NRG3: variants seen among roughly 807,000 people sequenced by gnomAD.
NRG3 encodes the protein neuregulin 3, also known as pro-neuregulin-3, membrane-bound isoform.
A neutral mutation model predicts 66.9 loss-of-function variants in NRG3; 31 were observed. The observed-to-expected ratio is 0.46, with a 90% CI of 0.35 to 0.63. The LOEUF is 0.63. Ranked by LOEUF, NRG3 falls within the 20% of genes least tolerant of loss-of-function variation. The pLI, the probability that NRG3 is intolerant of heterozygous loss-of-function variation, is 0.00. For synonymous variants in NRG3, 393 were observed against 359.4 expected, an observed-to-expected ratio of 1.09 and a Z score of -1.06; for missense variants, 910 against 878.9, an observed-to-expected ratio of 1.04 and a Z score of -0.45.
At chr10:82,978,403 T>C (rs1197181798) in intron 7 of NRG3, among the ~76,000 whole-genome samples, 2 of 152,218 alleles carry the variant, frequency 1.3e-5, no homozygotes, top group Admixed American at 1.3e-4. Flanking sequence ...TAATTTAGTT[T>C]GTCAAGATTG....
intron 1 of NRG3, among the ~76,000 whole-genome samples, chr10:82,098,004 A>T (rs1432304923): frequency 6.6e-6 from 1 of 151,634 alleles, no homozygotes; most frequent in South Asian, 2.1e-4. Flanking sequence ...ACCGAGAAGG[A>T]TCTGAGACCT....
At chr10:82,731,635 G>A (rs369441876) in intron 2 of NRG3, among the ~76,000 whole-genome samples, 4 of 152,100 alleles carry the variant, frequency 2.6e-5, no homozygotes, top group African/African-American at 7.2e-5. Context: ...ATTCCATTGT[G>A]TATATGTAGA....
intron 2 of NRG3, among the ~76,000 whole-genome samples, chr10:82,413,902 T>G (rs2136179409): frequency 6.6e-6 from 1 of 152,326 alleles, no homozygotes; most frequent in African/African-American, 2.4e-5. Flanking sequence ...GTTAAGGCTT[T>G]CTTGTGGATA....
At chr10:81,965,581 T>C (rs1187021220) in intron 1 of NRG3, among the ~76,000 whole-genome samples, 1 of 152,220 alleles carries the variant, frequency 6.6e-6, no homozygotes, top group Non-Finnish European at 1.5e-5. Context: ...AGACCTTCAT[T>C]AAATCATCTA....
chr10:82,491,725 A>G (rs774660870), intron 2 of NRG3, among the ~76,000 whole-genome samples: 1 of 152,104 alleles, frequency 6.6e-6, no homozygotes, highest in Non-Finnish European at 1.5e-5. Flanking sequence ...CTTTACTGCC[A>G]TTTAATGGGG....
At chr10:82,450,321 T>C (rs1216306186) in intron 2 of NRG3, among the ~76,000 whole-genome samples, 1 of 152,148 alleles carries the variant, frequency 6.6e-6, no homozygotes, top group African/African-American at 2.4e-5. Context: ...AGACCTGCAA[T>C]AGAACCCATA....
At chr10:82,694,201 A>G (rs2055185595) in intron 2 of NRG3, among the ~76,000 whole-genome samples, 1 of 152,062 alleles carries the variant, frequency 6.6e-6, no homozygotes, top group Non-Finnish European at 1.5e-5. Context: ...TGGTGCATTT[A>G]GAATCCTTTA....
intron 4 of NRG3, among the ~76,000 whole-genome samples, chr10:82,911,851 C>A (rs1388936542): frequency 6.6e-6 from 1 of 151,726 alleles, no homozygotes; most frequent in African/African-American, 2.4e-5. Flanking sequence ...GATCTTTCTT[C>A]TTTTCTAATA....
intron 3 of NRG3, among the ~76,000 whole-genome samples, chr10:82,831,467 T>G (rs927165699): frequency 9.8e-5 from 15 of 152,294 alleles, no homozygotes; most frequent in South Asian, 2.1e-4. Context: ...ACAGTTTTTT[T>G]TGTGTGTGTT....
chr10:82,024,388 A>G (rs1348490710), intron 1 of NRG3, among the ~76,000 whole-genome samples: 3 of 151,880 alleles, frequency 2.0e-5, no homozygotes, highest in African/African-American at 2.4e-5. Flanking sequence ...TAATTTTGGA[A>G]AACCTTTATA....
intron 2 of NRG3, among the ~76,000 whole-genome samples, chr10:82,551,808 T>C (rs537585663): frequency 6.6e-6 from 1 of 152,276 alleles, no homozygotes; most frequent in African/African-American, 2.4e-5. Flanking sequence ...TTATAGTACT[T>C]GCTGCCTTAA....
At chr10:82,653,293 A>G (rs1281158167) in intron 2 of NRG3, among the ~76,000 whole-genome samples, 2 of 152,210 alleles carry the variant, frequency 1.3e-5, no homozygotes, top group African/African-American at 4.8e-5. Flanking sequence ...TGAACAGTGA[A>G]GTGAGTAGGT....
intron 2 of NRG3, among the ~76,000 whole-genome samples, chr10:82,657,605 A>G (rs1011344563): frequency 5.3e-5 from 8 of 152,056 alleles, no homozygotes; most frequent in African/African-American, 1.9e-4. Flanking sequence ...TGGTTAGACT[A>G]TATTCACCCT....
intron 1 of NRG3, among the ~76,000 whole-genome samples, chr10:81,977,896 T>C (rs1436664945): frequency 6.6e-6 from 1 of 152,152 alleles, no homozygotes; most frequent in Non-Finnish European, 1.5e-5. Flanking sequence ...TACTTTTTAT[T>C]TTTTATTTAT....
At chr10:82,345,316 A>G (rs955643611) in intron 1 of NRG3, among the ~76,000 whole-genome samples, 3 of 145,232 alleles carry the variant, frequency 2.1e-5, no homozygotes, top group East Asian at 4.1e-4. Context: ...TTTATTAAAT[A>G]GGGAATCCTT....
At chr10:82,225,907 T>A (rs893799386) in intron 1 of NRG3, among the ~76,000 whole-genome samples, 3 of 152,176 alleles carry the variant, frequency 2.0e-5, no homozygotes, top group African/African-American at 7.2e-5. Context: ...CATATTTCTG[T>A]CATAATGTCA....
chr10:82,601,508 GC>G (rs1329786305), intron 2 of NRG3, among the ~76,000 whole-genome samples: 3 of 152,076 alleles, frequency 2.0e-5, no homozygotes, highest in Non-Finnish European at 4.4e-5. Context: ...CTATTGTCAT[GC>G]TTTTAATGTA....
intron 4 of NRG3, among the ~76,000 whole-genome samples, chr10:82,936,664 G>A (rs897763334): frequency 7.9e-5 from 12 of 152,030 alleles, no homozygotes; most frequent in Non-Finnish European, 1.6e-4. Context: ...TAATCAGCTC[G>A]ATTTAACCAT....
At chr10:82,800,026 T>TC (rs1226506065) in intron 3 of NRG3, among the ~76,000 whole-genome samples, 11 of 152,172 alleles carry the variant, frequency 7.2e-5, no homozygotes, top group Non-Finnish European at 1.6e-4. Flanking sequence ...TCTGGATAGG[T>TC]CCCTTGACTT....
Sources: allele counts gnomAD v4.1 joint callset (sites outside exome capture counted in the v4.1 genomes callset), GRCh38; gene constraint gnomAD v4.1.1; transcripts MANE v1.5; gene names NCBI Gene and HGNC (gene_info 2026-07-23, HGNC 2026-07-21).